Variants in CEP112 observed in about 807,000 individuals in gnomAD.
The protein encoded by CEP112 is centrosomal protein of 112 kDa.
Under a neutral mutation model 153.0 loss-of-function variants are expected in CEP112, and 127 were observed. That is an observed-to-expected ratio of 0.83 (90% CI 0.72 to 0.96). CEP112 has a LOEUF of 0.96. CEP112 is among the 40% of genes least tolerant of loss of function. CEP112 has a pLI of 0.00. For synonymous variants in CEP112, 358 were observed against 374.4 expected (o/e 0.96, Z 0.51); for missense variants, 1,089 against 1,101.2 (o/e 0.99, Z 0.16).
In CEP112 at chr17:65,689,143, C is replaced by A. The variant is rs147928625; in HGVS notation, c.2683G>T (p.Glu895Ter). 3.1e-6 allele frequency: 5 copies of A among 1,611,388 alleles called. No homozygotes were observed. In the African/African-American group the frequency reaches 6.7e-5, roughly 22 times the overall value. Residue 895 changes from glutamate (E) to a stop codon, truncating the protein, a stop_gained, in exon 24 of 27, where the codon GAG becomes TAG. Coordinates refer to ENST00000535342, the MANE Select transcript of CEP112 (RefSeq NM_001199165.4). LOFTEE classifies it high-confidence loss of function. The part of the protein sequence containing the change: ...AEKKLQHKEL[E>*]SQEQITYIRQ... ...GGAGAGGGTACCTGTTCCTGTGACT[C>A]CAATTCTTTGTGTTGTAATTTTTTC...
In CEP112 at chr17:65,846,893, C is replaced by T. The variant is rs144201521; in HGVS notation, c.2394+4911G>A. ...TGTGTGTAAGGCACCATGCAAGCTC[C>T]TGGGGCATTAGAAACAAATATTTCC... On this transcript the variant is annotated intron_variant, in intron 21 of 26. Transcript: ENST00000535342. Among the ~76,000 whole-genome samples the T allele has an allele frequency of 2.5e-3, 377 of 152,270 alleles. 1 individual carries two copies. The highest frequency in any genetic ancestry group is 8.6e-3 in the African/African-American group (356 of 41,542).
At chr17:66,175,965 T>C (rs1416845015) in intron 3 of CEP112, among the ~76,000 whole-genome samples, 1 of 152,188 alleles carries the variant, frequency 6.6e-6, no homozygotes, top group Admixed American at 6.5e-5. Context: ...CACTGTTCTT[T>C]AGGGAGGATG....
At chr17:65,996,731 G>A (rs1426810861) in intron 17 of CEP112, among the ~76,000 whole-genome samples, 2 of 152,100 alleles carry the variant, frequency 1.3e-5, no homozygotes, top group Non-Finnish European at 2.9e-5. Context: ...GTTCATTCAT[G>A]ATATTTACTT....
At chr17:65,850,930 T>C (rs981312393) in intron 21 of CEP112, among the ~76,000 whole-genome samples, 2 of 152,228 alleles carry the variant, frequency 1.3e-5, no homozygotes, top group Non-Finnish European at 2.9e-5. Context: ...TCTGCTGAAA[T>C]CTGACTTTCA....
chr17:65,811,789 T>G (rs1054643478), intron 21 of CEP112, among the ~76,000 whole-genome samples: 1 of 152,194 alleles, frequency 6.6e-6, no homozygotes, highest in Non-Finnish European at 1.5e-5. Flanking sequence ...AAAAATTGCT[T>G]TTCTTAATTT....
At chr17:66,171,218 A>G (rs907895296) in intron 4 of CEP112, among the ~76,000 whole-genome samples, 1 of 152,220 alleles carries the variant, frequency 6.6e-6, no homozygotes, top group Non-Finnish European at 1.5e-5. Context: ...CACAAACAGC[A>G]TCATCTAAAA....
chr17:65,973,246 T>G (rs1204421950), intron 17 of CEP112, among the ~76,000 whole-genome samples: 1 of 152,200 alleles, frequency 6.6e-6, no homozygotes, highest in African/African-American at 2.4e-5. Context: ...GAACAAATAC[T>G]GTAAACACAG....
At chr17:66,049,056 C>G (rs1175705716) in intron 12 of CEP112, among the ~76,000 whole-genome samples, 1 of 152,194 alleles carries the variant, frequency 6.6e-6, no homozygotes, top group Non-Finnish European at 1.5e-5. Context: ...GTATTTCTCT[C>G]CCTTAGGATT....
At chr17:66,071,433 G>A (rs1000128003) in intron 8 of CEP112, among the ~76,000 whole-genome samples, 1 of 152,002 alleles carries the variant, frequency 6.6e-6, no homozygotes, top group African/African-American at 2.4e-5. Flanking sequence ...CCAAAAAACA[G>A]TATGACAAAG....
intron 19 of CEP112, among the ~76,000 whole-genome samples, chr17:65,923,437 T>C (rs1237021748): frequency 1.3e-5 from 2 of 152,126 alleles, no homozygotes; most frequent in Non-Finnish European, 2.9e-5. Flanking sequence ...CCCAGCACTT[T>C]GGGAGGCTAA....
At chr17:66,073,628 A>T (rs1482836074) in intron 8 of CEP112, among the ~76,000 whole-genome samples, 1 of 152,198 alleles carries the variant, frequency 6.6e-6, no homozygotes, top group East Asian at 1.9e-4. Flanking sequence ...CTGAAACAAC[A>T]TAAAGGCCAC....
chr17:65,888,591 C>T (rs1343445239), intron 20 of CEP112, among the ~76,000 whole-genome samples: 3 of 151,932 alleles, frequency 2.0e-5, no homozygotes, highest in Non-Finnish European at 4.4e-5. Context: ...ATATATTTAT[C>T]CATTTTGAAT....
chr17:66,149,848 C>T (rs2071091182), intron 4 of CEP112, among the ~76,000 whole-genome samples: 1 of 134,220 alleles, frequency 7.5e-6, no homozygotes, highest in African/African-American at 2.8e-5. Flanking sequence ...TTTTCTAGTT[C>T]CTTAAGGTGT....
chr17:65,905,310 C>CA (rs1275165829), intron 19 of CEP112, among the ~76,000 whole-genome samples: 3 of 152,028 alleles, frequency 2.0e-5, no homozygotes, highest in Admixed American at 6.5e-5. Flanking sequence ...AGACACTTCT[C>CA]AAAAAAAGCC....
intron 21 of CEP112, 121 bp from the exon 22 acceptor site, chr17:65,750,845 G>T: frequency 1.4e-6 from 1 of 701,300 alleles, no homozygotes; most frequent in Non-Finnish European, 2.4e-6. Flanking sequence ...GGGGCAGCCA[G>T]AAAACCACAG....
intron 21 of CEP112, among the ~76,000 whole-genome samples, chr17:65,767,217 A>G (rs1403636398): frequency 1.3e-5 from 2 of 152,146 alleles, no homozygotes; most frequent in African/African-American, 4.8e-5. Flanking sequence ...AAAATTAGAA[A>G]TCAATAACAG....
chr17:66,068,331 C>T (rs2067195148), intron 9 of CEP112, among the ~76,000 whole-genome samples: 1 of 152,088 alleles, frequency 6.6e-6, no homozygotes, highest in Non-Finnish European at 1.5e-5. Flanking sequence ...GTCAGCTACT[C>T]AGGAGGCTTA....
In CEP112 at chr17:65,885,040, C is replaced by T. The variant is rs1347621758; in HGVS notation, c.2163+17112G>A. Among the ~76,000 whole-genome samples, 3 of 151,922 alleles carry T rather than the reference C, an allele frequency of 2.0e-5. No homozygotes were observed. In the East Asian group the frequency reaches 5.8e-4, roughly 29 times the overall value. On this transcript the variant is annotated intron_variant, in intron 20 of 26. Coordinates refer to ENST00000535342, the MANE Select transcript of CEP112 (RefSeq NM_001199165.4). ...CTAGTTTGTAGTTTCAAATAAAAAT[C>T]CTATTTGAAGAGCTTGAAAAGAATG...
intron 19 of CEP112, among the ~76,000 whole-genome samples, chr17:65,902,935 A>G (rs990595020): frequency 6.6e-6 from 1 of 152,186 alleles, no homozygotes; most frequent in African/African-American, 2.4e-5. Flanking sequence ...AGAGCATTCT[A>G]TTCTCAGGAT....
Sources: gnomAD v4.1 joint callset for allele counts (sites outside exome capture counted in the v4.1 genomes callset) on GRCh38, gnomAD v4.1.1 for gene constraint, MANE v1.5 for transcripts, NCBI Gene and HGNC (gene_info 2026-07-23, HGNC 2026-07-21) for gene names.